Variants in TNKS observed in about 807,000 individuals in gnomAD.
The protein encoded by TNKS is poly [ADP-ribose] polymerase tankyrase-1.
In TNKS, 72 loss-of-function variants were observed where a neutral mutation model predicts 135.8. The ratio of observed to expected loss-of-function variants is 0.53; its 90% confidence interval spans 0.44 to 0.64. TNKS has a LOEUF of 0.64. Ranked by LOEUF, TNKS falls within the 30% of genes least tolerant of loss-of-function variation. The pLI, the probability that TNKS is intolerant of heterozygous loss-of-function variation, is 0.00. For synonymous variants in TNKS, 849 were observed against 649.3 expected, an observed-to-expected ratio of 1.31 and a Z score of -4.68; for missense variants, 1,769 against 1,674.0, an observed-to-expected ratio of 1.06 and a Z score of -0.99.
intron 3 of TNKS, among the ~76,000 whole-genome samples, chr8:9,652,128 A>G (rs1367575057): frequency 6.6e-6 from 1 of 152,222 alleles, no homozygotes; most frequent in Non-Finnish European, 1.5e-5. Context: ...ATATACTTGA[A>G]GCTGTTAGAA....
At chr8:9,742,347 G>A (rs1449026127) in intron 17 of TNKS, among the ~76,000 whole-genome samples, 7 of 148,680 alleles carry the variant, frequency 4.7e-5, no homozygotes, top group East Asian at 2.0e-4. Flanking sequence ...AGATACATGA[G>A]TGTGATAATA....
rs1491536137 is a variant in TNKS, at chr8:9,715,366, GGC to G, written c.1750-5006_1750-5005del. Among the ~76,000 whole-genome samples the G allele has an allele frequency of 1.2e-4, 10 of 82,890 alleles. No homozygotes were observed. In the East Asian group the frequency reaches 3.1e-3, roughly 26 times the overall value. 54.4% of individuals were successfully genotyped at this position (82,890 alleles called of 152,430 possible). On this transcript the variant is annotated intron_variant, in intron 11 of 26. Transcript: ENST00000310430. ...AAGAGGTTGTACTAGCAGCAGGGGG[GGC>G]GGGTATGATCATCTCTGGTCTGAAG...
At chr8:9,578,413 G>A (rs1284117007) in intron 1 of TNKS, among the ~76,000 whole-genome samples, 1 of 152,194 alleles carries the variant, frequency 6.6e-6, no homozygotes, top group Non-Finnish European at 1.5e-5. Context: ...ACTTGAGCAT[G>A]TACCCTATGC....
chr8:9,710,343 C>T (rs1341548308), intron 11 of TNKS, 123 bp downstream of exon 11: 3 of 846,854 alleles, frequency 3.5e-6, no homozygotes, highest in Non-Finnish European at 5.8e-6. Flanking sequence ...TTAGTTCGTA[C>T]TTAAATTCAT....
intron 3 of TNKS, among the ~76,000 whole-genome samples, chr8:9,660,962 A>G (rs1801679049): frequency 6.7e-6 from 1 of 148,368 alleles, no homozygotes; most frequent in Non-Finnish European, 1.5e-5. Context: ...GAGCCAAATC[A>G]TGAGTGAACT....
At chr8:9,617,316 C>T (rs371711956) in intron 3 of TNKS, among the ~76,000 whole-genome samples, 3 of 152,180 alleles carry the variant, frequency 2.0e-5, no homozygotes, top group East Asian at 1.9e-4. Context: ...CCATCTAACA[C>T]TGTACTTTGC....
intron 18 of TNKS, among the ~76,000 whole-genome samples, 179 bp downstream of exon 18, chr8:9,748,391 A>G (rs1806352082): frequency 6.6e-6 from 1 of 152,236 alleles, no homozygotes; most frequent in Admixed American, 6.5e-5. Flanking sequence ...CTTAAGACAA[A>G]CTAAACAGTA....
chr8:9,638,575 A>G (rs1563134887), intron 3 of TNKS, among the ~76,000 whole-genome samples: 2 of 152,244 alleles, frequency 1.3e-5, no homozygotes, highest in Non-Finnish European at 2.9e-5. Context: ...TTCTGAAAGA[A>G]AAGAGAATAG....
rs142263705 is a variant in TNKS at position 9,615,787 on chromosome 8, A to G, written c.994+110A>G. 4.7e-4 allele frequency: 356 copies of G among 750,094 alleles called. No individual in the cohort carries two copies. In the African/African-American group the frequency reaches 5.7e-3, roughly 12 times the overall value. 46.5% of individuals were successfully genotyped at this position (750,094 alleles called of 1,614,324 possible). On this transcript the variant is annotated intron_variant, in intron 3 of 26. Transcript: ENST00000310430. ...TTTTCACTGATGAAGCTAAGCAAAT[A>G]TATCTGCCATTATCTACTACTTTAT...
Position 9,584,723 on chromosome 8 carries a change from TCA to T in TNKS, c.898+4345_898+4346del, listed in dbSNP as rs1226461098. 3.3e-5 allele frequency among the ~76,000 whole-genome samples: 5 copies of T among 152,232 alleles called. No homozygotes were observed. In the South Asian group the frequency reaches 6.2e-4, roughly 19 times the overall value. On this transcript the variant is annotated intron_variant, in intron 2 of 26. Transcript: ENST00000310430. The stretch of plus-strand genomic sequence containing the variant: ...AATCTTTATTTAAGTCTCACTGCCC[TCA>T]CACAGTTTACATGTATACCACACCT...
Position 9,782,047 on chromosome 8 carries a change from G to A in TNKS, c.*5311G>A, listed in dbSNP as rs1808477020. 1 of 152,232 alleles carries A rather than the reference G, an allele frequency of 6.6e-6. No homozygotes were observed. Among genetic ancestry groups the A allele is most frequent in the African/African-American group, 2.4e-5 (1 of 41,424 alleles). The allele number at this position is 152,232 out of a possible 1,614,324, so 9.4% of individuals were successfully genotyped here. Reference sequence around the variant, plus strand: ...AATTCAAATTTAACTGAGCATGCTGGTTTTTCTCATTGTTTGGTTTTTCTA... The same window carrying A: ...AATTCAAATTTAACTGAGCATGCTGATTTTTCTCATTGTTTGGTTTTTCTA... On this transcript the variant is annotated 3_prime_UTR_variant, in exon 27 of 27. Transcript: ENST00000310430.
At chr8:9,754,768 T>A (rs1044777266) in intron 20 of TNKS, among the ~76,000 whole-genome samples, 1 of 152,204 alleles carries the variant, frequency 6.6e-6, no homozygotes, top group Admixed American at 6.5e-5. Flanking sequence ...TTTAATACAG[T>A]GATGCATCAC....
At chr8:9,745,723 GC>G (rs1229676778) in intron 17 of TNKS, among the ~76,000 whole-genome samples, 11 of 152,090 alleles carry the variant, frequency 7.2e-5, no homozygotes, top group African/African-American at 2.4e-4. Flanking sequence ...GTTTTTGGGG[GC>G]GTTTTTTGCT....
chr8:9,601,641 C>G (rs1001876762), intron 2 of TNKS, among the ~76,000 whole-genome samples: 1 of 151,940 alleles, frequency 6.6e-6, no homozygotes. Context: ...TGGAATACCT[C>G]TATTCTTTAA....
chr8:9,595,770 C>T (rs1204004610), intron 2 of TNKS, among the ~76,000 whole-genome samples: 1 of 152,064 alleles, frequency 6.6e-6, no homozygotes, highest in Non-Finnish European at 1.5e-5. Context: ...CTAATAAAAG[C>T]ATTACACATT....
At chr8:9,724,262 C>A (rs1240735883) in intron 12 of TNKS, among the ~76,000 whole-genome samples, 2 of 152,008 alleles carry the variant, frequency 1.3e-5, no homozygotes, top group Non-Finnish European at 2.9e-5. Flanking sequence ...CCAGCTTGGG[C>A]AACATGGCGA....
At chr8:9,697,845 G>C (rs1398065728) in intron 5 of TNKS, among the ~76,000 whole-genome samples, 3 of 152,000 alleles carry the variant, frequency 2.0e-5, no homozygotes, top group African/African-American at 7.2e-5. Flanking sequence ...ATGCAGTTTG[G>C]AAATTTCTCA....
At chr8:9,720,343 A>G (rs539288697) in intron 11 of TNKS, 31 bp from the exon 12 acceptor site, 1 of 1,538,930 alleles carries the variant, frequency 6.5e-7, no homozygotes, top group South Asian at 1.3e-5. Flanking sequence ...CAAGATGCTC[A>G]ATTCCATGTG....
chr8:9,717,072 A>ATTATATATATATAT (rs376229840), intron 11 of TNKS, among the ~76,000 whole-genome samples: 2 of 79,460 alleles, frequency 2.5e-5, no homozygotes, highest in African/African-American at 4.6e-5. Context: ...GTTGTATTAT[A>ATTATATATATATAT]ATATATATAT....
Sources: allele counts gnomAD v4.1 joint callset (sites outside exome capture counted in the v4.1 genomes callset), GRCh38; gene constraint gnomAD v4.1.1; transcripts MANE v1.5; gene names NCBI Gene and HGNC (gene_info 2026-07-23, HGNC 2026-07-21).